Variants in FOXN2 observed in about 807,000 individuals in gnomAD.
FOXN2 encodes forkhead box protein N2.
Under a neutral mutation model 41.2 loss-of-function variants are expected in FOXN2, and 19 were observed. That is an observed-to-expected ratio of 0.46 (90% CI 0.32 to 0.68). FOXN2 has a LOEUF of 0.68. FOXN2 is among the 30% of genes least tolerant of loss of function. The probability of loss-of-function intolerance (pLI) is 0.03; values close to 1 mark genes in which losing one functional copy is unlikely to be tolerated. For synonymous variants in FOXN2, 195 were observed against 176.8 expected (o/e 1.10, Z -0.82); for missense variants, 587 against 509.4 (o/e 1.15, Z -1.47).
intron 1 of FOXN2, among the ~76,000 whole-genome samples, chr2:48,321,231 A>T (rs1025362524): frequency 3.9e-5 from 6 of 152,096 alleles, no homozygotes; most frequent in Non-Finnish European, 7.4e-5. Context: ...AATTTTGACC[A>T]GCTTTTATTA....
At chr2:48,347,996 T>A (rs984781695) in intron 3 of FOXN2, among the ~76,000 whole-genome samples, 1 of 152,164 alleles carries the variant, frequency 6.6e-6, no homozygotes, top group African/African-American at 2.4e-5. Context: ...TCTCTCTTTA[T>A]CACTGTTTTT....
chr2:48,356,257 A>G (rs1671786280), intron 3 of FOXN2, among the ~76,000 whole-genome samples: 1 of 152,226 alleles, frequency 6.6e-6, no homozygotes, highest in Admixed American at 6.5e-5. Context: ...GCTGGCCAAC[A>G]TGGTGGAACC....
intron 2 of FOXN2, among the ~76,000 whole-genome samples, chr2:48,331,609 G>A (rs1215978541): frequency 6.6e-6 from 1 of 152,060 alleles, no homozygotes; most frequent in African/African-American, 2.4e-5. Flanking sequence ...CTTGAGCCCA[G>A]GAGTTTGAGA....
At chr2:48,359,776 G>C (rs1307819810) in intron 4 of FOXN2, among the ~76,000 whole-genome samples, 1 of 152,058 alleles carries the variant, frequency 6.6e-6, no homozygotes, top group Non-Finnish European at 1.5e-5. Flanking sequence ...CCTAAAGAAA[G>C]TTGTAATATA....
At chr2:48,319,511 A>G (rs1182300699) in intron 1 of FOXN2, among the ~76,000 whole-genome samples, 1 of 152,116 alleles carries the variant, frequency 6.6e-6, no homozygotes, top group African/African-American at 2.4e-5. Context: ...GTTAACTACA[A>G]AACACTCTTA....
At chr2:48,371,299 G>A (rs1446483637) in intron 5 of FOXN2, among the ~76,000 whole-genome samples, 1 of 152,046 alleles carries the variant, frequency 6.6e-6, no homozygotes, top group Non-Finnish European at 1.5e-5. Context: ...TCAGGAGACT[G>A]AGCACAAGAA....
chr2:48,334,891 C>T (rs1670233839), intron 2 of FOXN2, among the ~76,000 whole-genome samples: 1 of 152,060 alleles, frequency 6.6e-6, no homozygotes. Flanking sequence ...TACTGCAAAT[C>T]GAAAAAATGT....
chr2:48,365,173 C>T (rs1221966243), intron 5 of FOXN2, among the ~76,000 whole-genome samples: 1 of 152,052 alleles, frequency 6.6e-6, no homozygotes, highest in East Asian at 1.9e-4. Context: ...TGGAACTATA[C>T]TAAACTGAGC....
chr2:48,314,476 A>C (rs1668747727), upstream of FOXN2, among the ~76,000 whole-genome samples: 1 of 152,212 alleles, frequency 6.6e-6, no homozygotes. Flanking sequence ...CCAGGCAGCC[A>C]GCCGGAACCC....
chr2:48,374,877 CCAAA>C, intron 6 of FOXN2, 39 bp from the exon 7 acceptor site: 1 of 1,530,084 alleles, frequency 6.5e-7, no homozygotes, highest in Non-Finnish European at 8.8e-7. Flanking sequence ...GTTTTTGCAA[CCAAA>C]CACATTTGAC....
chr2:48,317,928 A>G (rs61149696), intron 1 of FOXN2, among the ~76,000 whole-genome samples: 1 of 152,126 alleles, frequency 6.6e-6, no homozygotes, highest in East Asian at 1.9e-4. Context: ...TTTATTAATA[A>G]TTTTATATCC....
upstream of FOXN2, among the ~76,000 whole-genome samples, chr2:48,313,997 A>G (rs1668709759): frequency 6.6e-6 from 1 of 152,232 alleles, no homozygotes; most frequent in Non-Finnish European, 1.5e-5. Context: ...ATGCACATTA[A>G]ATTTTGGATT....
rs1328317035 is a variant in FOXN2 at position 48,377,909 on chromosome 2, ATT to A, written c.*2467_*2468del. ...AATAACCACACAATTAAGTAGAGTCATTCCAAGTCCTATGGCCTGGAAATTGT... is the reference window on the plus strand; with the variant it reads ...AATAACCACACAATTAAGTAGAGTCACCAAGTCCTATGGCCTGGAAATTGT... On this transcript the variant is annotated 3_prime_UTR_variant, in exon 7 of 7. Coordinates refer to ENST00000340553, the MANE Select transcript of FOXN2 (RefSeq NM_002158.4). 6.6e-6 allele frequency: 1 copy of A among 152,076 alleles called. No homozygotes were observed. Among genetic ancestry groups the A allele is most frequent in the Non-Finnish European group, 1.5e-5 (1 of 67,920 alleles). 9.4% of individuals were successfully genotyped at this position (152,076 alleles called of 1,614,324 possible).
intron 5 of FOXN2, among the ~76,000 whole-genome samples, chr2:48,366,616 A>G (rs1239258200): frequency 6.6e-6 from 1 of 152,174 alleles, no homozygotes; most frequent in Non-Finnish European, 1.5e-5. Context: ...TCCTCTGCCT[A>G]GAACAATTAA....
chr2:48,358,607 T>C (rs973697566), intron 3 of FOXN2, among the ~76,000 whole-genome samples: 3 of 152,072 alleles, frequency 2.0e-5, no homozygotes, highest in East Asian at 1.9e-4. Context: ...GTGTGGGAAA[T>C]GGAAGGACTC....
chr2:48,374,633 G>A (rs139742895), intron 6 of FOXN2, among the ~76,000 whole-genome samples: 4 of 152,192 alleles, frequency 2.6e-5, no homozygotes, highest in Admixed American at 6.5e-5. Flanking sequence ...ATATTAACAC[G>A]GAAGTGATTA....
At chr2:48,316,041 G>T (rs1668893933) in intron 1 of FOXN2, among the ~76,000 whole-genome samples, 1 of 152,084 alleles carries the variant, frequency 6.6e-6, no homozygotes, top group African/African-American at 2.4e-5. Context: ...CCGGCTGAGT[G>T]TAATAGAGTG....
intron 2 of FOXN2, among the ~76,000 whole-genome samples, chr2:48,332,345 A>C (rs1016340241): frequency 6.6e-6 from 1 of 152,248 alleles, no homozygotes; most frequent in Non-Finnish European, 1.5e-5. Flanking sequence ...GTTTATAATA[A>C]AGTACTTTTG....
At chr2:48,349,130 A>G (rs941233621) in intron 3 of FOXN2, among the ~76,000 whole-genome samples, 17 of 152,180 alleles carry the variant, frequency 1.1e-4, no homozygotes, top group African/African-American at 3.9e-4. Flanking sequence ...CCATCTCACC[A>G]CTGCATTCCA....
Sources: allele counts gnomAD v4.1 joint callset (sites outside exome capture counted in the v4.1 genomes callset), GRCh38; gene constraint gnomAD v4.1.1; transcripts MANE v1.5; gene names NCBI Gene and HGNC (gene_info 2026-07-23, HGNC 2026-07-21).